The following EIF4A2 variants were observed in gnomAD, a reference collection of about 807,000 sequenced individuals.
The protein encoded by EIF4A2 is eukaryotic translation initiation factor 4A2.
EIF4A2 carries 9 observed loss-of-function variants against 50.6 expected under a neutral mutation model. That is an observed-to-expected ratio of 0.18 (90% CI 0.11 to 0.31). EIF4A2 has a LOEUF of 0.31. EIF4A2 is among the 10% of genes least tolerant of loss of function. EIF4A2 has a pLI of 1.00. For missense variants in EIF4A2, 182 were observed against 501.8 expected, an observed-to-expected ratio of 0.36 and a Z score of 6.09; for synonymous variants, 215 against 164.4, an observed-to-expected ratio of 1.31 and a Z score of -2.35.
chr3:186,786,474 T>G (rs773534417), intron 6 of EIF4A2, 28 bp from the exon 7 acceptor site: 1 of 1,608,606 alleles, frequency 6.2e-7, no homozygotes, highest in Non-Finnish European at 8.5e-7. Context: ...GTGTAAGTTG[T>G]GCTACAACAT....
At chr3:186,787,667 G>A (rs763937445) in intron 9 of EIF4A2, 83 bp downstream of exon 9, 5 of 1,596,036 alleles carry the variant, frequency 3.1e-6, no homozygotes, top group South Asian at 2.2e-5. Context: ...TGCCAACTTG[G>A]GCTATTTGGA....
At chr3:186,784,065 CGGAGGCGACG>C (rs1275300598) in intron 1 of EIF4A2, 3 of 432,258 alleles carry the variant, frequency 6.9e-6, no homozygotes, top group Non-Finnish European at 1.3e-5. Context: ...GGCCACGGCG[CGGAGGCGACG>C]GGACAGGACC....
At chr3:186,785,339 C>G (rs986158668) in intron 4 of EIF4A2, 1 of 544,072 alleles carries the variant, frequency 1.8e-6, no homozygotes, top group Non-Finnish European at 3.2e-6. Context: ...TGTACTAGAT[C>G]TGTCCCCATT....
At position 186,789,808 on chromosome 3, in the gene EIF4A2, C is replaced by T; in HGVS notation, c.*539C>T. The T allele has an allele frequency of 1.7e-6, 1 of 599,948 alleles. No homozygotes were observed. The highest frequency in any genetic ancestry group is 2.1e-5 in the South Asian group (1 of 48,014). The allele number at this position is 599,948 out of a possible 1,614,324, so 37.2% of individuals were successfully genotyped here. A position where few individuals can be genotyped will look rare whatever the true frequency, so the allele number is the denominator to read the frequency against. On this transcript the variant is annotated 3_prime_UTR_variant, in exon 11 of 11. Coordinates refer to ENST00000323963, the MANE Select transcript of EIF4A2 (RefSeq NM_001967.4). ...TGTTGCTAAGCCCCAGCAAGCAATC[C>T]TAGGTAGGGTTTAATCCCCAGTAAA...
chr3:186,788,453 ATTTGATT>A (rs1369542440), intron 10 of EIF4A2: 1 of 1,229,812 alleles, frequency 8.1e-7, no homozygotes. Context: ...TGTCATGATT[ATTTGATT>A]TTTAAGTTGC....
At chr3:186,785,460 C>G (rs904879634) in intron 4 of EIF4A2, 9 of 327,302 alleles carry the variant, frequency 2.7e-5, no homozygotes, top group African/African-American at 1.7e-4. Context: ...TCAAAGCTCA[C>G]TGCTATATTG....
At chr3:186,786,141 C>T (rs769116952) in intron 5 of EIF4A2, 23 bp from the exon 6 acceptor site, 1 of 1,610,242 alleles carries the variant, frequency 6.2e-7, no homozygotes, top group Non-Finnish European at 8.5e-7. Flanking sequence ...CTAGAAATGA[C>T]AGTATGACTT....
chr3:186,787,051 C>G, intron 7 of EIF4A2, 76 bp from the exon 8 acceptor site: 1 of 1,589,134 alleles, frequency 6.3e-7, no homozygotes, highest in Non-Finnish European at 8.6e-7. Context: ...AGCACTGTGG[C>G]TGGCCCAGAA....
intron 7 of EIF4A2, 162 bp from the exon 8 acceptor site, chr3:186,786,965 T>G: frequency 2.6e-6 from 3 of 1,138,894 alleles, no homozygotes; most frequent in Non-Finnish European, 3.8e-6. Context: ...ACAGTTTCAC[T>G]TTCTTGAAAC....
chr3:186,786,522 A>T lies in EIF4A2; in HGVS notation c.648A>T (p.Thr216=). The change falls in exon 7 of 11, where the codon ACA becomes ACT. Residue 216 remains threonine, a synonymous_variant. Transcript: ENST00000323963. ...TTAAGGTTGTGTTGCTTTCTGCCAC[A>T]ATGCCAACTGATGTGTTGGAAGTGA... ...TSIQVVLLSA[T]MPTDVLEVTK... The T allele has an allele frequency of 6.2e-7, 1 of 1,612,430 alleles. No individual in the cohort carries two copies. Among genetic ancestry groups the T allele is most frequent in the Non-Finnish European group, 8.5e-7 (1 of 1,179,864 alleles).
chr3:186,787,653 C>G, intron 9 of EIF4A2, 69 bp downstream of exon 9: 1 of 1,603,148 alleles, frequency 6.2e-7, no homozygotes, highest in African/African-American at 1.3e-5. Flanking sequence ...TTTTAAGTAA[C>G]CTTTGCCAAC....
intron 7 of EIF4A2, 92 bp from the exon 8 acceptor site, chr3:186,787,035 G>A: frequency 6.6e-7 from 1 of 1,508,772 alleles, no homozygotes; most frequent in Admixed American, 1.8e-5. Flanking sequence ...TGGGATTACA[G>A]GCATTAGCAC....
At position 186,785,444 on chromosome 3, in the gene EIF4A2, A is replaced by G. The variant is rs144242424; in HGVS notation, c.348+343A>G. On this transcript the variant is annotated intron_variant, in intron 4 of 10. Transcript: ENST00000323963. ...GTTCGTGATGCATCTGTTGCATGCTATGTTTTCAAAGCTCACTGCTATATT... is the reference window on the plus strand; with the variant it reads ...GTTCGTGATGCATCTGTTGCATGCTGTGTTTTCAAAGCTCACTGCTATATT... 560 of 344,948 alleles carry G rather than the reference A, an allele frequency of 1.6e-3. 8 individuals carry two copies. The highest frequency in any genetic ancestry group is 0.014 in the East Asian group (246 of 17,320). 21.4% of individuals were successfully genotyped at this position (344,948 alleles called of 1,614,324 possible).
intron 1 of EIF4A2, 114 bp downstream of exon 1, chr3:186,783,753 T>C: frequency 6.0e-6 from 9 of 1,509,718 alleles, no homozygotes; most frequent in Non-Finnish European, 8.3e-6. Flanking sequence ...TTTCTTAGGG[T>C]ACAGCACTCC....
intron 1 of EIF4A2, chr3:186,784,023 TGG>T: frequency 4.9e-6 from 2 of 404,788 alleles, no homozygotes; most frequent in Non-Finnish European, 9.0e-6. Flanking sequence ...AGGCTTTACT[TGG>T]GGAAGGGTTG....
rs1019273936 is a variant in EIF4A2, at chr3:186,789,631, T to C, written c.*362T>C. 1.8e-5 allele frequency: 6 copies of C among 335,898 alleles called. No homozygotes were observed. Among genetic ancestry groups the C allele is most frequent in the African/African-American group, 8.4e-5 (4 of 47,364 alleles). The allele number at this position is 335,898 out of a possible 1,614,324, so 20.8% of individuals were successfully genotyped here. A position where few individuals can be genotyped will look rare whatever the true frequency, so the allele number is the denominator to read the frequency against. The stretch of plus-strand genomic sequence containing the variant: ...AGTGCTGTATAAAATCAGCCAATTA[T>C]GTTAAACTAGCATATCTGCCTTTAT... On this transcript the variant is annotated 3_prime_UTR_variant, in exon 11 of 11. Transcript: ENST00000323963.
At chr3:186,786,898 TTGAGACTGGGTTA>T (rs763297916) in intron 7 of EIF4A2, 41 of 882,936 alleles carry the variant, frequency 4.6e-5, no homozygotes, top group East Asian at 7.2e-5. Flanking sequence ...TTTCTACGTT[TTGAGACTGGGTTA>T]TGAGACTGGC....
At chr3:186,784,181 G>A in intron 1 of EIF4A2, 2 of 568,846 alleles carry the variant, frequency 3.5e-6, no homozygotes, top group South Asian at 2.2e-5. Flanking sequence ...TCGGCGCTCC[G>A]AGCTCTCGCG....
At chr3:186,786,073 G>C in intron 5 of EIF4A2, 22 bp downstream of exon 5, 1 of 1,600,440 alleles carries the variant, frequency 6.2e-7, no homozygotes, top group Non-Finnish European at 8.6e-7. Context: ...CTTTAAGAGA[G>C]TATTTTTTTT....
Sources: gnomAD v4.1 joint callset for allele counts on GRCh38, gnomAD v4.1.1 for gene constraint, MANE v1.5 for transcripts, NCBI Gene and HGNC (gene_info 2026-07-23, HGNC 2026-07-21) for gene names.